Variants in WDPCP observed in about 807,000 individuals in gnomAD.
The protein encoded by WDPCP is WD repeat containing planar cell polarity effector.
In WDPCP, 71 loss-of-function variants were observed where a neutral mutation model predicts 93.1. The observed-to-expected ratio is 0.76, with a 90% confidence interval of 0.63 to 0.93. The LOEUF is 0.93. WDPCP is among the 40% of genes least tolerant of loss of function. The probability of loss-of-function intolerance (pLI) is 0.00; values close to 1 mark genes in which losing one functional copy is unlikely to be tolerated. For synonymous variants in WDPCP, 315 were observed against 315.0 expected (o/e 1.00, Z 0.00); for missense variants, 844 against 887.4 (o/e 0.95, Z 0.62).
In WDPCP at chr2:63,571,200, C is replaced by T. The variant is rs575271349; in HGVS notation, c.75+16997G>A. Among the ~76,000 whole-genome samples, 55 of 152,220 alleles carry T rather than the reference C, an allele frequency of 3.6e-4. No individual in the cohort carries two copies. The South Asian group carries it at 9.5e-3, about 26-fold the overall frequency. Reference sequence around the variant, plus strand: ...TGCTGGGATTACAGGCATAAGCCACCGCGCCTGGTCAGGGTAAATTATTTA... The same window carrying T: ...TGCTGGGATTACAGGCATAAGCCACTGCGCCTGGTCAGGGTAAATTATTTA... On this transcript the variant is annotated intron_variant, in intron 1 of 17. Transcript: ENST00000272321.
At chr2:63,618,132 C>T (rs1463227451) in intron 3 of WDPCP, among the ~76,000 whole-genome samples, 1 of 152,090 alleles carries the variant, frequency 6.6e-6, no homozygotes, top group Non-Finnish European at 1.5e-5. Context: ...TGTAAATATA[C>T]CACCTTTGAG....
intron 17 of WDPCP, among the ~76,000 whole-genome samples, chr2:63,139,508 G>C (rs1312835547): frequency 6.6e-6 from 1 of 152,000 alleles, no homozygotes; most frequent in East Asian, 1.9e-4. Flanking sequence ...TTTTATTATG[G>C]CCATTCTTGC....
chr2:63,395,174 T>A (rs7559982), intron 10 of WDPCP, among the ~76,000 whole-genome samples: 85,632 of 152,046 alleles, frequency 0.56, 24,467 homozygotes, highest in Admixed American at 0.64. Context: ...AAGAGTACCT[T>A]CTACATGATC....
chr2:63,586,617 A>G (rs1023470060), intron 1 of WDPCP, among the ~76,000 whole-genome samples: 2 of 152,256 alleles, frequency 1.3e-5, no homozygotes, highest in African/African-American at 4.8e-5. Flanking sequence ...ACCTGAGAAA[A>G]GTAACTTACA....
At chr2:63,680,846 T>G (rs1010492925) in intron 2 of WDPCP, among the ~76,000 whole-genome samples, 17 of 152,146 alleles carry the variant, frequency 1.1e-4, no homozygotes, top group African/African-American at 4.1e-4. Flanking sequence ...GAATCTTGGA[T>G]ATCAGCTCAG....
At chr2:63,317,587 G>A (rs1339680833) in intron 12 of WDPCP, among the ~76,000 whole-genome samples, 2 of 152,022 alleles carry the variant, frequency 1.3e-5, no homozygotes, top group Non-Finnish European at 2.9e-5. Flanking sequence ...AAACAGATTA[G>A]AGAACTTAGA....
chr2:63,582,860 C>G (rs958623996), intron 1 of WDPCP, among the ~76,000 whole-genome samples: 1 of 152,126 alleles, frequency 6.6e-6, no homozygotes, highest in African/African-American at 2.4e-5. Flanking sequence ...TCCACACATA[C>G]AAAAGCTGAG....
At chr2:63,818,102 AAG>A (rs2104114577) in intron 1 of WDPCP, among the ~76,000 whole-genome samples, 1 of 152,338 alleles carries the variant, frequency 6.6e-6, no homozygotes, top group East Asian at 1.9e-4. Flanking sequence ...AGAGTAATGA[AAG>A]AGAATTGGCG....
chr2:63,527,291 T>C (rs1455911290), intron 1 of WDPCP, among the ~76,000 whole-genome samples: 2 of 151,596 alleles, frequency 1.3e-5, no homozygotes, highest in Admixed American at 6.6e-5. Context: ...TACATATGTA[T>C]ACCTGTGCCA....
In WDPCP at chr2:63,708,392, G is replaced by A. The variant is rs530803782; in HGVS notation, n.309-57554C>T. Among the ~76,000 whole-genome samples the A allele has an allele frequency of 7.2e-5, 11 of 152,314 alleles. No individual in the cohort carries two copies. In the South Asian group the frequency reaches 1.9e-3, roughly 26 times the overall value. ...GATCTCAGACTGCTGTGCTAGCAAT[G>A]AGCAAGGCTCCGTGGGCATAGGACC... On this transcript the variant is annotated intron_variant and non_coding_transcript_variant, in intron 2 of 4. Transcript: ENST00000467687.
chr2:63,777,854 T>C (rs1252129210), intron 2 of WDPCP, among the ~76,000 whole-genome samples: 1 of 152,194 alleles, frequency 6.6e-6, no homozygotes, highest in African/African-American at 2.4e-5. Context: ...ACTGGGGTGA[T>C]AATTTTATGG....
At chr2:63,839,844 C>T in the WDPCP span, among the ~76,000 whole-genome samples, 1 of 152,094 alleles carries the variant, frequency 6.6e-6, no homozygotes, top group African/African-American at 2.4e-5. Flanking sequence ...GTTTTACGGC[C>T]GAGAGGTTTT....
At chr2:63,432,718 C>G (rs1333743782) in intron 9 of WDPCP, among the ~76,000 whole-genome samples, 1 of 152,120 alleles carries the variant, frequency 6.6e-6, no homozygotes, top group African/African-American at 2.4e-5. Flanking sequence ...TTTAAGCAGG[C>G]AATGTCTAAA....
intron 2 of WDPCP, among the ~76,000 whole-genome samples, chr2:63,709,058 A>C (rs1430766773): frequency 6.5e-5 from 6 of 92,404 alleles, no homozygotes; most frequent in Non-Finnish European, 9.9e-5. Context: ...CTGTCTCTAC[A>C]AAAAAAAAAA....
At chr2:63,527,840 T>A (rs1703468568) in intron 1 of WDPCP, among the ~76,000 whole-genome samples, 1 of 152,082 alleles carries the variant, frequency 6.6e-6, no homozygotes, top group African/African-American at 2.4e-5. Context: ...CCACCAACAG[T>A]GTAAAAGCGT....
intron 2 of WDPCP, among the ~76,000 whole-genome samples, chr2:63,778,218 G>GT (rs68186967): frequency 0.39 from 58,797 of 150,758 alleles, 13,308 homozygotes; most frequent in African/African-American, 0.63. Context: ...TTTGTTTTTT[G>GT]TTTTTTTGAG....
intron 14 of WDPCP, among the ~76,000 whole-genome samples, chr2:63,252,081 A>AT (rs1680772788): frequency 6.6e-6 from 1 of 152,174 alleles, no homozygotes; most frequent in Non-Finnish European, 1.5e-5. Context: ...CAGAAAGTTA[A>AT]TTCACCATGA....
At chr2:63,244,955 A>C (rs981987077) in intron 14 of WDPCP, among the ~76,000 whole-genome samples, 1 of 152,144 alleles carries the variant, frequency 6.6e-6, no homozygotes, top group African/African-American at 2.4e-5. Context: ...GAGCATCCTC[A>C]ATCCAAAAAT....
chr2:63,538,422 T>C (rs1040672314), intron 1 of WDPCP, among the ~76,000 whole-genome samples: 3 of 152,182 alleles, frequency 2.0e-5, no homozygotes, highest in African/African-American at 7.2e-5. Flanking sequence ...TACTTGAGTT[T>C]AGAGCTTTCA....
Sources: allele counts gnomAD v4.1 joint callset (sites outside exome capture counted in the v4.1 genomes callset), GRCh38; gene constraint gnomAD v4.1.1; transcripts MANE v1.5; gene names NCBI Gene and HGNC (gene_info 2026-07-23, HGNC 2026-07-21).